The following ATG7 variants were observed in gnomAD, a reference collection of about 807,000 sequenced individuals.
ATG7 encodes ubiquitin-like modifier-activating enzyme ATG7.
Under a neutral mutation model 82.4 loss-of-function variants are expected in ATG7, and 70 were observed. The observed-to-expected ratio is 0.85, with a 90% CI of 0.70 to 1.04. ATG7 has a LOEUF of 1.04. Ranked by LOEUF, ATG7 falls within the 50% of genes least tolerant of loss-of-function variation. The pLI is 0.00. For missense variants in ATG7, 792 were observed against 864.3 expected (o/e 0.92, Z 1.05); for synonymous variants, 287 against 313.0 (o/e 0.92, Z 0.88).
intron 11 of ATG7, among the ~76,000 whole-genome samples, chr3:11,334,650 G>A (rs1026783252): frequency 6.6e-6 from 1 of 151,670 alleles, no homozygotes; most frequent in African/African-American, 2.4e-5. Flanking sequence ...GTGTGATGGG[G>A]GAGGTGGTGT....
At chr3:11,355,771 A>G (rs2075893682) in intron 14 of ATG7, among the ~76,000 whole-genome samples, 1 of 152,198 alleles carries the variant, frequency 6.6e-6, no homozygotes, top group South Asian at 2.1e-4. Context: ...TAAAATAACT[A>G]CTTTGGAAAT....
At chr3:11,313,127 A>G (rs533494245) in intron 7 of ATG7, among the ~76,000 whole-genome samples, 177 bp from the exon 8 acceptor site, 15 of 152,316 alleles carry the variant, frequency 9.8e-5, no homozygotes, top group African/African-American at 3.1e-4. Context: ...TTGGGAATAC[A>G]AAAGTCCTTT....
At chr3:11,573,483 A>C in the ATG7 span, among the ~76,000 whole-genome samples, 1 of 152,164 alleles carries the variant, frequency 6.6e-6, no homozygotes, top group Non-Finnish European at 1.5e-5. Flanking sequence ...CAGTATTTGC[A>C]GGTCATCCAC....
intron 9 of ATG7, among the ~76,000 whole-genome samples, chr3:11,316,082 CTA>C (rs1272505429): frequency 6.6e-6 from 1 of 152,102 alleles, no homozygotes; most frequent in Non-Finnish European, 1.5e-5. Flanking sequence ...ATTTTACCCT[CTA>C]TGTTTTAATT....
At chr3:11,517,582 G>C (rs573405761) in intron 20 of ATG7, among the ~76,000 whole-genome samples, 6 of 152,292 alleles carry the variant, frequency 3.9e-5, no homozygotes, top group South Asian at 2.1e-4. Context: ...TCTGTATCCA[G>C]AAGAAGCCAG....
chr3:11,434,780 C>T (rs993148593), intron 20 of ATG7, among the ~76,000 whole-genome samples: 2 of 152,136 alleles, frequency 1.3e-5, no homozygotes, highest in African/African-American at 4.8e-5. Flanking sequence ...GTATAATCCG[C>T]TTGGAGAAGT....
chr3:11,484,507 C>T lies in ATG7; in HGVS notation c.2079+57581C>T, dbSNP rs2089393807. Among the ~76,000 whole-genome samples the T allele has an allele frequency of 2.0e-5, 3 of 152,338 alleles. No individual in the cohort carries two copies. In the South Asian group the frequency reaches 6.2e-4, roughly 32 times the overall value. On this transcript the variant is annotated intron_variant, in intron 20 of 20. Coordinates refer to ENST00000693202, the MANE Select transcript of ATG7 (RefSeq NM_001349232.2). ...TCCATAATTTAGGACAAAATTGGCA[C>T]ATCTAGCAGATTCTTGGTGATCCAG...
chr3:11,550,548 ACTATGCCTGG>A (rs201154700), intron 20 of ATG7, among the ~76,000 whole-genome samples: 2,095 of 152,108 alleles, frequency 0.014, 43 homozygotes, highest in African/African-American at 0.048. Context: ...GACACATGCC[ACTATGCCTGG>A]CTCATTTTTA....
chr3:11,340,739 T>C lies in ATG7; in HGVS notation c.980+4T>C. On this transcript the variant is annotated splice_donor_region_variant and intron_variant, in intron 12 of 20. Transcript: ENST00000693202. Reference sequence around the variant, plus strand: ...GTGAATGTATGGACCCTAAAAGGTATATTTGGGAAGCTGTTTTCTCCAGTC... The same window carrying C: ...GTGAATGTATGGACCCTAAAAGGTACATTTGGGAAGCTGTTTTCTCCAGTC... 1 of 1,612,190 alleles carries C rather than the reference T, an allele frequency of 6.2e-7. No homozygotes were observed. The highest frequency in any genetic ancestry group is 8.5e-7 in the Non-Finnish European group (1 of 1,178,880).
chr3:11,351,851 C>CT (rs5846705), intron 14 of ATG7, among the ~76,000 whole-genome samples: 30,578 of 146,286 alleles, frequency 0.21, 3,418 homozygotes, highest in South Asian at 0.35. Flanking sequence ...AGTATAGTTT[C>CT]TTTTTTTTTT....
At position 11,458,191 on chromosome 3, in the gene ATG7, T is replaced by C. The variant is rs182467275; in HGVS notation, c.2079+31265T>C. On this transcript the variant is annotated intron_variant, in intron 20 of 20. Transcript: ENST00000693202. ...CTCAAAGCCAATTTCTTCATTTTTT[T>C]CCTATCTCAGTGGTCTAGAGGGGCA... is the stretch of plus-strand genomic sequence containing the variant. Among the ~76,000 whole-genome samples, 349 of 152,282 alleles carry C rather than the reference T, an allele frequency of 2.3e-3. 1 individual carries two copies. Among genetic ancestry groups the C allele is most frequent in the African/African-American group, 7.7e-3 (322 of 41,562 alleles).
At chr3:11,387,012 G>T (rs1292755838) in intron 19 of ATG7, among the ~76,000 whole-genome samples, 1 of 152,206 alleles carries the variant, frequency 6.6e-6, no homozygotes, top group Non-Finnish European at 1.5e-5. Context: ...TGTTTCCCAG[G>T]GAAATTGCAA....
At chr3:11,427,426 G>C (rs1288261021) in intron 20 of ATG7, among the ~76,000 whole-genome samples, 3 of 151,670 alleles carry the variant, frequency 2.0e-5, no homozygotes, top group African/African-American at 7.3e-5. Context: ...CACAACCCGA[G>C]AGAGTTATGC....
At chr3:11,401,143 C>T in intron 19 of ATG7, among the ~76,000 whole-genome samples, 1 of 152,148 alleles carries the variant, frequency 6.6e-6, no homozygotes. Context: ...CGCCCCAGAC[C>T]TAATTAATCA....
chr3:11,423,682 G>C (rs1197632023), intron 19 of ATG7, among the ~76,000 whole-genome samples: 4 of 151,860 alleles, frequency 2.6e-5, no homozygotes, highest in Non-Finnish European at 4.4e-5. Flanking sequence ...GCCTGGGCTT[G>C]ACTCTACGCA....
Position 11,342,124 on chromosome 3 carries a change from T to C in ATG7, c.981-11T>C. The C allele has an allele frequency of 6.2e-7, 1 of 1,608,660 alleles. No individual in the cohort carries two copies. Among genetic ancestry groups the C allele is most frequent in the Non-Finnish European group, 8.5e-7 (1 of 1,178,434 alleles). ...AGGAGTGACTGAATAAGTAAATCTC[T>C]CCTTTTCTAGGTTAGCTGAGTCATC... On this transcript the variant is annotated splice_polypyrimidine_tract_variant and intron_variant, in intron 12 of 20. Transcript: ENST00000693202.
the ATG7 span, among the ~76,000 whole-genome samples, chr3:11,569,856 G>A: frequency 6.6e-6 from 1 of 152,190 alleles, no homozygotes; most frequent in Non-Finnish European, 1.5e-5. Flanking sequence ...ACTTTAGCCT[G>A]GGTGACAGAG....
At chr3:11,497,699 GTTGT>G (rs2090964081) in intron 20 of ATG7, among the ~76,000 whole-genome samples, 2 of 151,776 alleles carry the variant, frequency 1.3e-5, no homozygotes, top group African/African-American at 4.8e-5. Context: ...CATTTTAAAT[GTTGT>G]TTGTGAGCCG....
intron 18 of ATG7, among the ~76,000 whole-genome samples, chr3:11,376,698 C>A (rs920632141): frequency 4.6e-5 from 7 of 152,068 alleles, no homozygotes; most frequent in Non-Finnish European, 4.4e-5. Flanking sequence ...AGCAGAGGGA[C>A]CTTGGAGTGC....
Sources: allele counts gnomAD v4.1 joint callset (sites outside exome capture counted in the v4.1 genomes callset), GRCh38; gene constraint gnomAD v4.1.1; transcripts MANE v1.5; gene names NCBI Gene and HGNC (gene_info 2026-07-23, HGNC 2026-07-21).